The following KAT14 variants were observed in gnomAD, a reference collection of about 807,000 sequenced individuals.
KAT14 encodes lysine acetyltransferase 14.
Under a neutral mutation model 78.4 loss-of-function variants are expected in KAT14, and 66 were observed. That is an observed-to-expected ratio of 0.84 (90% CI 0.69 to 1.03). The LOEUF (loss-of-function observed/expected upper bound fraction) is 1.03, where lower values mean the gene tolerates loss of function less well. KAT14 is among the 50% of genes least tolerant of loss of function. The pLI is 0.00. For synonymous variants in KAT14, 344 were observed against 359.4 expected, an observed-to-expected ratio of 0.96 and a Z score of 0.48; for missense variants, 870 against 972.5, an observed-to-expected ratio of 0.89 and a Z score of 1.40.
intron 7 of KAT14, among the ~76,000 whole-genome samples, 182 bp from the exon 8 acceptor site, chr20:18,181,528 G>A (rs376823449): frequency 6.6e-6 from 1 of 151,884 alleles, no homozygotes; most frequent in African/African-American, 2.4e-5. Context: ...CTGCCACCAC[G>A]GCCGGCTAAT....
At chr20:18,154,521 G>A (rs921038889) in intron 4 of KAT14, among the ~76,000 whole-genome samples, 3 of 152,112 alleles carry the variant, frequency 2.0e-5, no homozygotes, top group African/African-American at 7.2e-5. Flanking sequence ...GAAACCACAA[G>A]CCTTTATTAG....
chr20:18,187,272 C>T lies in KAT14; in HGVS notation c.2173-14C>T. ...TTTCCATTTTTATCTTGTATTTTTC[C>T]ACTCTTTTGGCAGACCTGCATGGGC... On this transcript the variant is annotated splice_polypyrimidine_tract_variant and intron_variant, in intron 10 of 10. Transcript: ENST00000688188. 3 of 1,574,202 alleles carry T rather than the reference C, an allele frequency of 1.9e-6. No homozygotes were observed. Among genetic ancestry groups the T allele is most frequent in the South Asian group, 1.2e-5 (1 of 84,212 alleles).
intron 5 of KAT14, among the ~76,000 whole-genome samples, chr20:18,160,490 T>C (rs2038379699): frequency 6.6e-6 from 1 of 152,232 alleles, no homozygotes. Context: ...TTTACCCTAT[T>C]TTATTTCATT....
chr20:18,182,982 A>G (rs1338364483), intron 8 of KAT14, 141 bp from the exon 9 acceptor site: 2 of 1,220,122 alleles, frequency 1.6e-6, no homozygotes, highest in Non-Finnish European at 2.2e-6. Flanking sequence ...GTATAGCTGT[A>G]ATCAAGCCAG....
chr20:18,165,376 T>C (rs1468200259), intron 7 of KAT14, among the ~76,000 whole-genome samples: 1 of 152,174 alleles, frequency 6.6e-6, no homozygotes, highest in Non-Finnish European at 1.5e-5. Context: ...GTCCCAACCC[T>C]GGTACCTATG....
At chr20:18,153,043 A>G (rs879548426) in intron 4 of KAT14, among the ~76,000 whole-genome samples, 3 of 152,210 alleles carry the variant, frequency 2.0e-5, no homozygotes, top group Non-Finnish European at 4.4e-5. Context: ...TTGCTGTCTG[A>G]AGTCCTGTGT....
At position 18,137,966 on chromosome 20, in the gene KAT14, G is replaced by C; in HGVS notation, c.-539G>C. 1.3e-6 allele frequency: 2 copies of C among 1,497,214 alleles called. No homozygotes were observed. Among genetic ancestry groups the C allele is most frequent in the African/African-American group, 1.4e-5 (1 of 69,126 alleles). 92.7% of individuals were successfully genotyped at this position (1,497,214 alleles called of 1,614,324 possible). A position where few individuals can be genotyped will look rare whatever the true frequency, so the allele number is the denominator to read the frequency against. ...GCCGCCAGCGTGGGGATGTCTAGGA[G>C]CTCGAAGGTGGTGCTGGGCCTCTCG... On this transcript the variant is annotated 5_prime_UTR_variant, in exon 1 of 11. Coordinates refer to ENST00000688188, the MANE Select transcript of KAT14 (RefSeq NM_001392073.1).
rs538856910 is a variant in KAT14 at position 18,137,872 on chromosome 20, C to G, written c.-633C>G. On this transcript the variant is annotated 5_prime_UTR_variant, in exon 1 of 11. Transcript: ENST00000688188. ...CTGCGCTCGAGGGGTCGAGCCTGGG[C>G]AGTACAGGCGGCGGTGCGCACTCTG... 2.3e-4 allele frequency: 312 copies of G among 1,341,482 alleles called. No homozygotes were observed. The Middle Eastern group carries it at 7.0e-3, about 30-fold the overall frequency. 83.1% of individuals were successfully genotyped at this position (1,341,482 alleles called of 1,614,324 possible). A position where few individuals can be genotyped will look rare whatever the true frequency, so the allele number is the denominator to read the frequency against.
intron 7 of KAT14, among the ~76,000 whole-genome samples, chr20:18,165,398 A>G (rs2038602821): frequency 1.3e-5 from 2 of 152,146 alleles, no homozygotes; most frequent in African/African-American, 2.4e-5. Context: ...ATGCAGCCTT[A>G]TCTGGAAATA....
At chr20:18,181,903 G>C (rs1354845893) in intron 8 of KAT14, 57 bp downstream of exon 8, 4 of 1,601,376 alleles carry the variant, frequency 2.5e-6, no homozygotes, top group Non-Finnish European at 2.6e-6. Flanking sequence ...AATGATTGTG[G>C]TTTCTGTGCC....
chr20:18,171,689 G>A (rs1357151933), intron 7 of KAT14, among the ~76,000 whole-genome samples: 2 of 152,186 alleles, frequency 1.3e-5, no homozygotes, highest in Non-Finnish European at 2.9e-5. Flanking sequence ...GTGTACACCT[G>A]TAGTCCCAGC....
intron 9 of KAT14, 114 bp from the exon 10 acceptor site, chr20:18,184,488 T>C (rs2039382465): frequency 2.7e-6 from 2 of 732,198 alleles, no homozygotes; most frequent in Non-Finnish European, 3.8e-6. Flanking sequence ...TTTTGGTGTT[T>C]TTTTTTTTTT....
At chr20:18,168,219 C>T (rs925748685) in intron 7 of KAT14, among the ~76,000 whole-genome samples, 5 of 152,120 alleles carry the variant, frequency 3.3e-5, no homozygotes, top group Admixed American at 1.3e-4. Flanking sequence ...CTGAGAACCC[C>T]GGTACTGATA....
rs1197987589 is a variant in KAT14, at chr20:18,162,696, G to A, written c.1419G>A (p.Arg473=). 1.2e-6 allele frequency: 2 copies of A among 1,614,218 alleles called. No individual in the cohort carries two copies. Residue 473 remains arginine (R), a synonymous_variant, in exon 7 of 11, where the codon AGG becomes AGA. Coordinates refer to ENST00000688188, the MANE Select transcript of KAT14 (RefSeq NM_001392073.1). ...SIYEEKLLLK[R]LEACPGAVAM... The stretch of plus-strand genomic sequence containing the variant: ...ACGAGGAAAAGCTGCTGCTCAAGAG[G>A]CTGGAAGCTTGTCCCGGTGCTGTTG...
At chr20:18,151,326 A>G (rs2038030952) in intron 4 of KAT14, among the ~76,000 whole-genome samples, 1 of 152,006 alleles carries the variant, frequency 6.6e-6, no homozygotes, top group East Asian at 1.9e-4. Flanking sequence ...CCTCCTGAGT[A>G]GCTGGGATTA....
intron 7 of KAT14, among the ~76,000 whole-genome samples, chr20:18,171,690 T>A (rs1175114289): frequency 6.6e-6 from 1 of 152,176 alleles, no homozygotes; most frequent in Admixed American, 6.5e-5. Flanking sequence ...TGTACACCTG[T>A]AGTCCCAGCT....
chr20:18,187,489 T>C lies in KAT14; in HGVS notation c.*30T>C, dbSNP rs766244518. On this transcript the variant is annotated 3_prime_UTR_variant, in exon 11 of 11. Transcript: ENST00000688188. The stretch of plus-strand genomic sequence containing the variant: ...AATACAGCTCACAGAGAAACGCATG[T>C]GCTATTGGAGAACAGGTCTTTGTGG... 1 of 1,612,524 alleles carries C rather than the reference T, an allele frequency of 6.2e-7. No individual in the cohort carries two copies. The highest frequency in any genetic ancestry group is 8.5e-7 in the Non-Finnish European group (1 of 1,179,596).
At position 18,150,847 on chromosome 20, in the gene KAT14, G is replaced by A. The variant is rs757038571; in HGVS notation, c.405G>A (p.Leu135=). 6.2e-7 allele frequency: 1 copy of A among 1,614,058 alleles called. No individual in the cohort carries two copies. Among genetic ancestry groups the A allele is most frequent in the Non-Finnish European group, 8.5e-7 (1 of 1,179,962 alleles). The change falls in exon 4 of 11, where the codon TTG becomes TTA. Residue 135 remains leucine, a synonymous_variant. Transcript: ENST00000688188. The part of the protein sequence containing the change: ...QQVVMLAMYN[L]SLEGSGRQGY... ...TCGTCATGTTGGCAATGTACAACTT[G>A]TCTCTGGAAGGAAGTGGACGTCAAG...
Position 18,187,302 on chromosome 20 carries a change from A to G in KAT14, c.2189A>G (p.Asp730Gly), listed in dbSNP as rs774871268. The change falls in exon 11 of 11, where the codon GAC becomes GGC. Residue 730 changes from aspartate to glycine, a missense_variant. Asp to Gly is a moderately conservative substitution (Grantham distance 94). Coordinates refer to ENST00000688188, the MANE Select transcript of KAT14 (RefSeq NM_001392073.1). The stretch of plus-strand genomic sequence containing the variant: ...TTTTGGCAGACCTGCATGGGCAAGG[A>G]CGTAACCCTTCACGTCTCAGCAAGC... Reference protein sequence around the residue: ...YHLIQTCMGKDVTLHVSASNP... With the variant: ...YHLIQTCMGKGVTLHVSASNP... 1 of 1,612,530 alleles carries G rather than the reference A, an allele frequency of 6.2e-7. No individual in the cohort carries two copies. The highest frequency in any genetic ancestry group is 1.1e-5 in the South Asian group (1 of 90,586).
Sources: allele counts gnomAD v4.1 joint callset (sites outside exome capture counted in the v4.1 genomes callset), GRCh38; gene constraint gnomAD v4.1.1; transcripts MANE v1.5; gene names NCBI Gene and HGNC (gene_info 2026-07-23, HGNC 2026-07-21).